Variants in LHFPL5 observed in about 807,000 individuals in gnomAD.
LHFPL5 encodes the protein LHFPL tetraspan subfamily member 5 protein.
Under a neutral mutation model 18.7 loss-of-function variants are expected in LHFPL5, and 12 were observed. That is an observed-to-expected ratio of 0.64 (90% CI 0.41 to 1.04). The LOEUF is 1.04. LHFPL5 is among the 50% of genes least tolerant of loss of function. The probability of loss-of-function intolerance (pLI) is 0.00; values close to 1 mark genes in which losing one functional copy is unlikely to be tolerated. For missense variants in LHFPL5, 259 were observed against 292.1 expected (o/e 0.89, Z 0.83); for synonymous variants, 111 against 120.2 (o/e 0.92, Z 0.50).
rs746718708 is a variant in LHFPL5 at position 35,805,940 on chromosome 6, C to A, written c.270C>A (p.Pro90=). The A allele has an allele frequency of 6.2e-7, 1 of 1,614,256 alleles. No homozygotes were observed. Among genetic ancestry groups the A allele is most frequent in the South Asian group, 1.1e-5 (1 of 91,082 alleles). Residue 90 remains proline (P), a synonymous_variant, in exon 1 of 4, where the codon CCC becomes CCA. Transcript: ENST00000360215. The surrounding 1 kb of genome is among the most constrained non-coding windows in gnomAD (Gnocchi z 4.3). The part of the protein sequence containing the change: ...KGGPLDFSSI[P]SRAFKTAMFF... ...GCCCCCTAGACTTCTCCTCCATCCC[C>A]TCTAGAGCCTTCAAGACTGCCATGT... is the stretch of plus-strand genomic sequence containing the variant.
chr6:35,810,630 CA>C (rs1467535689), intron 1 of LHFPL5, among the ~76,000 whole-genome samples: 1 of 151,910 alleles, frequency 6.6e-6, no homozygotes, highest in Non-Finnish European at 1.5e-5. Flanking sequence ...GCCCTGTGGG[CA>C]GGGGATAATC....
rs56343421 is a variant in LHFPL5 at position 35,808,564 on chromosome 6, C to CATAT, written c.412+2521_412+2524dup. On this transcript the variant is annotated intron_variant, in intron 1 of 3. Transcript: ENST00000360215. ...TTCTTTACTATATATTCATTTTATA[C>CATAT]ATATATATATATATATATATATATA... Among the ~76,000 whole-genome samples the CATAT allele has an allele frequency of 2.4e-3, 211 of 87,202 alleles. 1 individual carries two copies. Among genetic ancestry groups the CATAT allele is most frequent in the East Asian group, 5.5e-3 (13 of 2,366 alleles). 57.2% of individuals were successfully genotyped at this position (87,202 alleles called of 152,430 possible).
intron 2 of LHFPL5, among the ~76,000 whole-genome samples, chr6:35,816,258 A>C (rs1768757718): frequency 6.7e-6 from 1 of 149,378 alleles, no homozygotes; most frequent in African/African-American, 2.5e-5. Context: ...AGACAGGAGA[A>C]TCTCTTGGAC....
intron 3 of LHFPL5, among the ~76,000 whole-genome samples, chr6:35,820,816 G>A (rs564133172): frequency 4.1e-4 from 63 of 152,242 alleles, no homozygotes; most frequent in Middle Eastern, 6.8e-3. Flanking sequence ...ACCTACAGCC[G>A]ACCAGGCGCT....
Position 35,805,583 on chromosome 6 carries a change from TG to T in LHFPL5, c.-84del. ...CCTCAGCCTCCTCCCCAAACCCCGCTGGGGAGTGACCTGCTTCTAGGCCTCC... is the reference window on the plus strand; with the variant it reads ...CCTCAGCCTCCTCCCCAAACCCCGCTGGGAGTGACCTGCTTCTAGGCCTCC... On this transcript the variant is annotated 5_prime_UTR_variant, in exon 1 of 4. Coordinates refer to ENST00000360215, the MANE Select transcript of LHFPL5 (RefSeq NM_182548.4). The surrounding 1 kb of genome is among the most constrained non-coding windows in gnomAD (Gnocchi z 4.3). The T allele has an allele frequency of 6.8e-7, 1 of 1,465,956 alleles. No homozygotes were observed. The highest frequency in any genetic ancestry group is 9.5e-7 in the Non-Finnish European group (1 of 1,055,218). The allele number at this position is 1,465,956 out of a possible 1,614,324, so 90.8% of individuals were successfully genotyped here.
At chr6:35,807,504 G>A (rs574569696) in intron 1 of LHFPL5, among the ~76,000 whole-genome samples, 4 of 152,150 alleles carry the variant, frequency 2.6e-5, no homozygotes, top group East Asian at 1.9e-4. Context: ...TGTCCATGTC[G>A]GTGAGATGTC....
rs564743695 is a variant in LHFPL5 at position 35,814,760 on chromosome 6, C to T, written c.627C>T (p.Asp209=). The change falls in exon 2 of 4, where the codon GAC becomes GAT. Residue 209 remains aspartate (D), a synonymous_variant. Coordinates refer to ENST00000360215, the MANE Select transcript of LHFPL5 (RefSeq NM_182548.4). The surrounding 1 kb of genome is among the most constrained non-coding windows in gnomAD (Gnocchi z 4.2). ...LGYRQDKLLP[D]DYKADGTEEV ...ACCGGCAGGACAAGCTCCTCCCTGA[C>T]GACTACAAGGCAGATGGAACCGGTA... The T allele has an allele frequency of 7.3e-5, 118 of 1,614,036 alleles. No individual in the cohort carries two copies. Among genetic ancestry groups the T allele is most frequent in the Middle Eastern group, 3.3e-4 (2 of 6,062 alleles).
At chr6:35,811,647 AC>A (rs1417634407) in intron 1 of LHFPL5, among the ~76,000 whole-genome samples, 3 of 152,196 alleles carry the variant, frequency 2.0e-5, no homozygotes, top group African/African-American at 7.2e-5. Flanking sequence ...GGGAGGGGCC[AC>A]GGGAGGAAGT....
At chr6:35,810,296 A>G (rs1157477568) in intron 1 of LHFPL5, among the ~76,000 whole-genome samples, 1 of 152,114 alleles carries the variant, frequency 6.6e-6, no homozygotes, top group Admixed American at 6.6e-5. Context: ...GGAGGAACAA[A>G]CATTCCACTG....
intron 2 of LHFPL5, among the ~76,000 whole-genome samples, chr6:35,818,382 A>T (rs1768808281): frequency 8.2e-6 from 1 of 121,736 alleles, no homozygotes; most frequent in Admixed American, 9.6e-5. Context: ...TTTTTGAGAC[A>T]GATTCTGGCT....
chr6:35,821,857 ATTTTTTTTTTTTTT>A lies in LHFPL5; in HGVS notation c.*17-1104_*17-1091del, dbSNP rs763639486. ...AACTCCACAGCACTGGTGTACCACAATTTTTTTTTTTTTTTTTTTTTTTTTTTTTTTTTTGAGAC... is the reference window on the plus strand; with the variant it reads ...AACTCCACAGCACTGGTGTACCACAATTTTTTTTTTTTTTTTTTTTGAGAC... On this transcript the variant is annotated intron_variant, in intron 3 of 3. Coordinates refer to ENST00000360215, the MANE Select transcript of LHFPL5 (RefSeq NM_182548.4). 5.4e-3 allele frequency among the ~76,000 whole-genome samples: 210 copies of A among 39,190 alleles called. 2 individuals are homozygous for A. Among genetic ancestry groups the A allele is most frequent in the South Asian group, 0.022 (15 of 692 alleles). 25.7% of individuals were successfully genotyped at this position (39,190 alleles called of 152,430 possible). A position where few individuals can be genotyped will look rare whatever the true frequency, so the allele number is the denominator to read the frequency against.
chr6:35,807,682 C>T (rs545686703), intron 1 of LHFPL5, among the ~76,000 whole-genome samples: 10 of 152,226 alleles, frequency 6.6e-5, no homozygotes, highest in Admixed American at 1.3e-4. Flanking sequence ...GAGCTATATC[C>T]ACCCCCCAAC....
Position 35,819,722 on chromosome 6 carries a change from A to G in LHFPL5, c.*16+259A>G, listed in dbSNP as rs144716280. 23,168 of 525,862 alleles carry G rather than the reference A, an allele frequency of 0.044. 682 individuals carry two copies. Among genetic ancestry groups the G allele is most frequent in the African/African-American group, 0.085 (4,412 of 51,856 alleles). 32.6% of individuals were successfully genotyped at this position (525,862 alleles called of 1,614,324 possible). A position where few individuals can be genotyped will look rare whatever the true frequency, so the allele number is the denominator to read the frequency against. On this transcript the variant is annotated intron_variant, in intron 3 of 3. Transcript: ENST00000360215. ...GATGGAATTTCGCTCTTGTTGCCCAAGCTGGAGTGCAATGGTGCGATCTCG... is the reference window on the plus strand; with the variant it reads ...GATGGAATTTCGCTCTTGTTGCCCAGGCTGGAGTGCAATGGTGCGATCTCG...
chr6:35,821,109 G>A (rs1768858268), intron 3 of LHFPL5, among the ~76,000 whole-genome samples: 1 of 152,074 alleles, frequency 6.6e-6, no homozygotes, highest in South Asian at 2.1e-4. Flanking sequence ...TTAGAGACCA[G>A]CCTGGCCAAC....
chr6:35,818,352 T>TATATATATATATATATATATATATG (rs1561955744), intron 2 of LHFPL5, among the ~76,000 whole-genome samples: 1 of 2,374 alleles, frequency 4.2e-4, no homozygotes, highest in African/African-American at 1.4e-3. Context: ...TATATATGTA[T>TATATATATATATATATATATATATG]TTTTTTTTTT....
intron 1 of LHFPL5, among the ~76,000 whole-genome samples, chr6:35,808,225 G>A (rs1341567210): frequency 6.6e-6 from 1 of 151,054 alleles, no homozygotes; most frequent in East Asian, 1.9e-4. Context: ...CCAAGGAGAG[G>A]GGATTGCTTG....
chr6:35,816,679 G>C (rs1337525980), intron 2 of LHFPL5, among the ~76,000 whole-genome samples: 1 of 152,000 alleles, frequency 6.6e-6, no homozygotes, highest in East Asian at 1.9e-4. Context: ...AGGCTTGGTG[G>C]TGTGCCCCTG....
chr6:35,815,708 G>A (rs1768747171), intron 2 of LHFPL5, among the ~76,000 whole-genome samples: 1 of 152,272 alleles, frequency 6.6e-6, no homozygotes, highest in South Asian at 2.1e-4. Flanking sequence ...GGAACTTGAA[G>A]CCCAAAAGGG....
rs1304657961 is a variant in LHFPL5 at position 35,823,248 on chromosome 6, A to G, written c.*283A>G. On this transcript the variant is annotated 3_prime_UTR_variant, in exon 4 of 4. Coordinates refer to ENST00000360215, the MANE Select transcript of LHFPL5 (RefSeq NM_182548.4). ...GTTGCTGGGGATGGGATCCAAGTCC[A>G]TTTCTTAGTTCCACACAGCAGCAAA... is the stretch of plus-strand genomic sequence containing the variant. 2.0e-5 allele frequency: 3 copies of G among 152,014 alleles called. No homozygotes were observed. The highest frequency in any genetic ancestry group is 2.9e-5 in the Non-Finnish European group (2 of 68,056). The allele number at this position is 152,014 out of a possible 1,614,324, so 9.4% of individuals were successfully genotyped here. A position where few individuals can be genotyped will look rare whatever the true frequency, so the allele number is the denominator to read the frequency against.
Sources: gnomAD v4.1 joint callset for allele counts (sites outside exome capture counted in the v4.1 genomes callset) on GRCh38, gnomAD v4.1.1 for gene constraint, Gnocchi (gnomAD v3.1) non-coding constraint, MANE v1.5 for transcripts, NCBI Gene and HGNC (gene_info 2026-07-23, HGNC 2026-07-21) for gene names.